The following RIF1 variants were observed in gnomAD, a reference collection of about 807,000 sequenced individuals.
The protein encoded by RIF1 is telomere-associated protein RIF1.
RIF1 carries 45 observed loss-of-function variants against 247.1 expected under a neutral mutation model. The observed-to-expected ratio is 0.18, with a 90% CI of 0.14 to 0.23. The LOEUF is 0.23. Among genes scored for constraint, RIF1 ranks in the 10% least tolerant of loss-of-function variants. The pLI, the probability that RIF1 is intolerant of heterozygous loss-of-function variation, is 1.00. For missense variants in RIF1, 2,967 were observed against 2,862.5 expected (o/e 1.04, Z -0.83); for synonymous variants, 1,087 against 978.8 (o/e 1.11, Z -2.06).
At chr2:151,410,967 G>T (rs1686078146) in intron 2 of RIF1, among the ~76,000 whole-genome samples, 1 of 152,142 alleles carries the variant, frequency 6.6e-6, no homozygotes. Context: ...CTTTGGAAAG[G>T]CTTAGCAAAT....
chr2:151,470,695 G>T (rs906821220), intron 34 of RIF1, among the ~76,000 whole-genome samples: 6 of 152,054 alleles, frequency 3.9e-5, no homozygotes, highest in African/African-American at 1.2e-4. Flanking sequence ...CAGACCTGGG[G>T]TTTGCCAGCC....
chr2:151,512,019 CTTTTTTTTTTTTTTTTTTT>C (rs71403173), downstream of RIF1, among the ~76,000 whole-genome samples: 1 of 93,568 alleles, frequency 1.1e-5, no homozygotes. Context: ...CCCTCTCACT[CTTTTTTTTTTTTTTTTTTT>C]TTTTTTTTTT....
chr2:151,507,712 T>A, intron 13 of RIF1: 1 of 331,904 alleles, frequency 3.0e-6, no homozygotes, highest in Non-Finnish European at 5.5e-6. Context: ...CTCTTGTTAA[T>A]CTGTCTTTTG....
At chr2:151,491,584 A>G in intron 9 of RIF1, 1 of 1,017,094 alleles carries the variant, frequency 9.8e-7, no homozygotes, top group South Asian at 1.4e-5. Flanking sequence ...AAAATGGAAA[A>G]CTCTGGAGGG....
rs201825451 is a variant in RIF1 at position 151,492,120 on chromosome 2, G to A, written c.*416-3109G>A. ...TACCTGTAATAGTCTCCTGATCTTG[G>A]TCATTCCGTTTTTGTTCCATTTCTA... On this transcript the variant is annotated intron_variant and NMD_transcript_variant, in intron 9 of 13. Transcript: ENST00000454583. 1.1e-3 allele frequency: 1,830 copies of A among 1,613,808 alleles called. 9 individuals are homozygous for A. The highest frequency in any genetic ancestry group is 9.6e-3 in the Middle Eastern group (58 of 6,056).
chr2:151,426,724 GCAA>G (rs982263066), intron 8 of RIF1, among the ~76,000 whole-genome samples: 2 of 150,442 alleles, frequency 1.3e-5, no homozygotes, highest in African/African-American at 4.9e-5. Flanking sequence ...TTGGCTCACT[GCAA>G]CCTCAGCCTC....
In RIF1 at chr2:151,481,619, T is replaced by G. The variant is rs1430722645; in HGVS notation, c.*6548T>G. The G allele has an allele frequency of 6.6e-6, 1 of 152,236 alleles. No individual in the cohort carries two copies. The highest frequency in any genetic ancestry group is 1.5e-5 in the Non-Finnish European group (1 of 68,038). 9.4% of individuals were successfully genotyped at this position (152,236 alleles called of 1,614,324 possible). A position where few individuals can be genotyped will look rare whatever the true frequency, so the allele number is the denominator to read the frequency against. On this transcript the variant is annotated 3_prime_UTR_variant, in exon 36 of 36. Coordinates refer to ENST00000444746, the MANE Select transcript of RIF1 (RefSeq NM_018151.5). ...TCACAAAGTATTTGTATTTGATAAGTCTTAAAAATGATTTAAGTTGAAGCC... is the reference window on the plus strand; with the variant it reads ...TCACAAAGTATTTGTATTTGATAAGGCTTAAAAATGATTTAAGTTGAAGCC...
Position 151,474,889 on chromosome 2 carries a change from T to G in RIF1, c.7237T>G (p.Leu2413Val). The G allele has an allele frequency of 6.3e-7, 1 of 1,590,106 alleles. No individual in the cohort carries two copies. Residue 2413 changes from leucine to valine, a missense_variant, in exon 36 of 36, where the codon TTA becomes GTA. Coordinates refer to ENST00000444746, the MANE Select transcript of RIF1 (RefSeq NM_018151.5). ...IIDPVALEIPLSKNLLAQISA... is the reference protein window; with the variant it reads ...IIDPVALEIPVSKNLLAQISA... ...TGATCCTGTTGCTTTAGAAATTCCATTATCCAAAAACCTTCTGGCACAGAT... is the reference window on the plus strand; with the variant it reads ...TGATCCTGTTGCTTTAGAAATTCCAGTATCCAAAAACCTTCTGGCACAGAT...
intron 13 of RIF1, among the ~76,000 whole-genome samples, chr2:151,437,626 A>G (rs921162541): frequency 6.6e-6 from 1 of 152,166 alleles, no homozygotes; most frequent in Admixed American, 6.5e-5. Context: ...AGGAGGTGGA[A>G]GTTGCAGTGA....
Position 151,475,055 on chromosome 2 carries a change from A to C in RIF1, c.7403A>C (p.His2468Pro), listed in dbSNP as rs1206912345. Residue 2468 changes from histidine (H) to proline (P), a missense_variant, in exon 36 of 36, where the codon CAT (histidine) becomes CCT (proline). His to Pro is a moderately conservative substitution (Grantham distance 77). Around this residue, in one of 7 missense-constraint regions of RIF1, gnomAD observed 151 missense variants for 163.4 expected, o/e 0.92. Coordinates refer to ENST00000444746, the MANE Select transcript of RIF1 (RefSeq NM_018151.5). ...CAGTCACGTTGGAGATCACCATCCC[A>C]TGAAAATTCTATTTAGTATTTTCAG... Reference protein sequence around the residue: ...NLQSRWRSPSHENSI With the variant: ...NLQSRWRSPSPENSI The C allele has an allele frequency of 1.9e-6, 3 of 1,609,252 alleles. No homozygotes were observed. In the Admixed American group the frequency reaches 5.0e-5, roughly 27 times the overall value.
intron 9 of RIF1, among the ~76,000 whole-genome samples, chr2:151,494,759 C>A (rs936759772): frequency 1.3e-5 from 2 of 152,294 alleles, no homozygotes; most frequent in East Asian, 3.9e-4. Flanking sequence ...AGTGATTCTT[C>A]TGCCTCAGCC....
At chr2:151,447,468 T>C (rs948980104) in intron 20 of RIF1, among the ~76,000 whole-genome samples, 2 of 152,360 alleles carry the variant, frequency 1.3e-5, no homozygotes, top group African/African-American at 4.8e-5. Context: ...AGTCAATCCA[T>C]ATAGCTCTAT....
At chr2:151,439,223 C>T (rs1056400648) in intron 14 of RIF1, among the ~76,000 whole-genome samples, 12 of 152,128 alleles carry the variant, frequency 7.9e-5, no homozygotes, top group East Asian at 1.9e-4. Flanking sequence ...TTGCTGTTTC[C>T]GGGATGGAAG....
the RIF1 span, among the ~76,000 whole-genome samples, chr2:151,523,247 AAT>A: frequency 2.6e-5 from 4 of 152,204 alleles, no homozygotes; most frequent in African/African-American, 9.6e-5. Context: ...TTTATAATAA[AAT>A]ATGTTACATA....
In RIF1 at chr2:151,464,287, G is replaced by T. The variant is rs752267933; in HGVS notation, c.4767G>T (p.Val1589=). 5 of 1,613,508 alleles carry T rather than the reference G, an allele frequency of 3.1e-6. No homozygotes were observed. Among genetic ancestry groups the T allele is most frequent in the Non-Finnish European group, 2.5e-6 (3 of 1,179,926 alleles). ...ACATTCAAGATCAAGAAGAGAAAGT[G>T]GTGAAACAGGAATGTATAAAAGCTG... is the stretch of plus-strand genomic sequence containing the variant. ...SVDIQDQEEK[V]VKQECIKAEN... is the part of the protein sequence containing the mutation. The change falls in exon 30 of 36, where the codon GTG becomes GTT. Residue 1589 remains valine (V), a synonymous_variant. Coordinates refer to ENST00000444746, the MANE Select transcript of RIF1 (RefSeq NM_018151.5).
intron 9 of RIF1, 35 bp downstream of exon 9, chr2:151,428,957 A>T: frequency 1.5e-6 from 2 of 1,342,504 alleles, no homozygotes; most frequent in Non-Finnish European, 2.1e-6. Flanking sequence ...ATTTTCTGTG[A>T]ATTTGTTTTG....
intron 9 of RIF1, among the ~76,000 whole-genome samples, chr2:151,487,596 T>C (rs1027617790): frequency 1.3e-5 from 2 of 152,170 alleles, no homozygotes; most frequent in Non-Finnish European, 2.9e-5. Context: ...TCACGAATTA[T>C]TCAGCCATTT....
At position 151,478,226 on chromosome 2, in the gene RIF1, C is replaced by T. The variant is rs556226787; in HGVS notation, c.*3155C>T. ...TACAGGCAAAAACAGGATTTAAACC[C>T]GCACATTAAAAGCATGACTGAAGGC... On this transcript the variant is annotated 3_prime_UTR_variant, in exon 36 of 36. Coordinates refer to ENST00000444746, the MANE Select transcript of RIF1 (RefSeq NM_018151.5). 7 of 152,238 alleles carry T rather than the reference C, an allele frequency of 4.6e-5. No homozygotes were observed. The highest frequency in any genetic ancestry group is 1.9e-4 in the East Asian group (1 of 5,186). 9.4% of individuals were successfully genotyped at this position (152,238 alleles called of 1,614,324 possible).
At position 151,492,179 on chromosome 2, in the gene RIF1, C is replaced by T. The variant is rs1333586284; in HGVS notation, c.*416-3050C>T. 2 of 1,613,946 alleles carry T rather than the reference C, an allele frequency of 1.2e-6. No homozygotes were observed. The highest frequency in any genetic ancestry group is 1.7e-6 in the Non-Finnish European group (2 of 1,179,866). ...CTCTGAATACCTCGGTAGTTAATGT[C>T]ACTGAAGTCCTGCATGTTCTTCTTT... On this transcript the variant is annotated intron_variant and NMD_transcript_variant, in intron 9 of 13. Coordinates refer to the RIF1 transcript ENST00000454583.
Sources: allele counts gnomAD v4.1 joint callset (sites outside exome capture counted in the v4.1 genomes callset), GRCh38; gene constraint gnomAD v4.1.1; regional missense constraint gnomAD v4.1.1; transcripts MANE v1.5; gene names NCBI Gene and HGNC (gene_info 2026-07-23, HGNC 2026-07-21).